The following PARD3B variants were observed in gnomAD, a reference collection of about 807,000 sequenced individuals.
The protein encoded by PARD3B is par-3 family cell polarity regulator beta.
In PARD3B, 103 loss-of-function variants were observed where a neutral mutation model predicts 130.2. The observed-to-expected ratio is 0.79, with a 90% CI of 0.67 to 0.93. PARD3B has a LOEUF of 0.93. Ranked by LOEUF, PARD3B falls within the 40% of genes least tolerant of loss-of-function variation. The pLI, the probability that PARD3B is intolerant of heterozygous loss-of-function variation, is 0.00. For synonymous variants in PARD3B, 583 were observed against 553.2 expected, an observed-to-expected ratio of 1.05 and a Z score of -0.76; for missense variants, 1,609 against 1,499.2, an observed-to-expected ratio of 1.07 and a Z score of -1.21.
At position 205,564,966 on chromosome 2, in the gene PARD3B, G is replaced by A. The variant is rs1386773045; in HGVS notation, c.3260+11563G>A. Among the ~76,000 whole-genome samples the A allele has an allele frequency of 1.3e-5, 2 of 152,172 alleles. No homozygotes were observed. Among genetic ancestry groups the A allele is most frequent in the African/African-American group, 2.4e-5 (1 of 41,436 alleles). On this transcript the variant is annotated intron_variant, in intron 22 of 22. Transcript: ENST00000406610. The surrounding 1 kb of genome is among the most constrained non-coding windows in gnomAD (Gnocchi z 4.6). Reference sequence around the variant, plus strand: ...GCAATCAGAACTGACCCTTATGGCCGAACATGGAATGACATGTTAAATAGG... The same window carrying A: ...GCAATCAGAACTGACCCTTATGGCCAAACATGGAATGACATGTTAAATAGG...
In PARD3B at chr2:205,197,032, G is replaced by GGGT. The variant is rs1553636919; in HGVS notation, c.2140+3713_2140+3714insGTG. Among the ~76,000 whole-genome samples the GGGT allele has an allele frequency of 2.6e-3, 142 of 55,102 alleles. 1 individual carries two copies. The highest frequency in any genetic ancestry group is 8.4e-3 in the South Asian group (15 of 1,790). 36.1% of individuals were successfully genotyped at this position (55,102 alleles called of 152,430 possible). On this transcript the variant is annotated intron_variant, in intron 15 of 22. Coordinates refer to ENST00000406610, the MANE Select transcript of PARD3B (RefSeq NM_001302769.2). The stretch of plus-strand genomic sequence containing the variant: ...AGGAATGCTTCCACTGTGGGGGGGG[G>GGGT]GTGTGTGTGTGTGTGTGTGTGTGTG...
chr2:205,424,790 G>A (rs1005661460), intron 19 of PARD3B, among the ~76,000 whole-genome samples: 4 of 152,158 alleles, frequency 2.6e-5, no homozygotes, highest in Admixed American at 2.6e-4. Context: ...CCGAGGGCCT[G>A]TCGTTTAGTT....
chr2:205,612,869 C>A lies in PARD3B; in HGVS notation c.3261-2587C>A, dbSNP rs970271866. Among the ~76,000 whole-genome samples, 4 of 152,202 alleles carry A rather than the reference C, an allele frequency of 2.6e-5. No homozygotes were observed. The East Asian group carries it at 5.8e-4, about 22-fold the overall frequency. On this transcript the variant is annotated intron_variant, in intron 22 of 22. Coordinates refer to ENST00000406610, the MANE Select transcript of PARD3B (RefSeq NM_001302769.2). ...CTATCTGCCCACGGGAAGCCTCCCC[C>A]TCACTGTGAGCTGTGAGCACTGGCT... is the stretch of plus-strand genomic sequence containing the variant.
intron 1 of PARD3B, among the ~76,000 whole-genome samples, chr2:204,681,409 C>T (rs1181703082): frequency 2.0e-5 from 3 of 152,132 alleles, no homozygotes; most frequent in Non-Finnish European, 4.4e-5. Context: ...TCTAGTTCTG[C>T]TGAATTCTTT....
chr2:205,379,475 G>GT (rs200325376), intron 18 of PARD3B, among the ~76,000 whole-genome samples: 3,126 of 151,796 alleles, frequency 0.021, 74 homozygotes, highest in African/African-American at 0.06. Flanking sequence ...TATATTTGGG[G>GT]TTTTTTTTAA....
chr2:204,935,369 A>T (rs999947628), intron 2 of PARD3B, among the ~76,000 whole-genome samples: 7 of 123,590 alleles, frequency 5.7e-5, no homozygotes, highest in South Asian at 2.4e-4. Context: ...CTCTACTAAA[A>T]ATACAAAAAA....
chr2:204,993,989 G>T (rs1693935683), intron 3 of PARD3B, among the ~76,000 whole-genome samples: 1 of 151,044 alleles, frequency 6.6e-6, no homozygotes, highest in Non-Finnish European at 1.5e-5. Flanking sequence ...TATTAGTCTT[G>T]CTAGCGGTCT....
chr2:205,488,087 A>T (rs909651428), intron 20 of PARD3B, among the ~76,000 whole-genome samples: 1 of 152,154 alleles, frequency 6.6e-6, no homozygotes, highest in Non-Finnish European at 1.5e-5. Flanking sequence ...CCTTTGAGAA[A>T]ACCTATAGTA....
chr2:204,554,426 G>T (rs377040039), intron 1 of PARD3B, among the ~76,000 whole-genome samples: 4 of 151,884 alleles, frequency 2.6e-5, no homozygotes, highest in Non-Finnish European at 5.9e-5. Context: ...GTCATTAAAT[G>T]GCAAGGCCAT....
chr2:204,835,737 C>G lies in PARD3B; in HGVS notation c.223-129415C>G, dbSNP rs1445234183. Among the ~76,000 whole-genome samples, 4 of 152,296 alleles carry G rather than the reference C, an allele frequency of 2.6e-5. No individual in the cohort carries two copies. In the East Asian group the frequency reaches 7.7e-4, roughly 29 times the overall value. Reference sequence around the variant, plus strand: ...AACCACACTTCCAGATTTGAATTTTCATCTTTTCCCAGGCTAGGAATATGT... The same window carrying G: ...AACCACACTTCCAGATTTGAATTTTGATCTTTTCCCAGGCTAGGAATATGT... On this transcript the variant is annotated intron_variant, in intron 2 of 22. Transcript: ENST00000406610.
At chr2:205,437,954 G>A (rs1305985489) in intron 19 of PARD3B, among the ~76,000 whole-genome samples, 2 of 151,804 alleles carry the variant, frequency 1.3e-5, no homozygotes, top group African/African-American at 4.8e-5. Flanking sequence ...TGGGGGTGAG[G>A]GTCAAAGCTA....
At chr2:204,997,611 A>G (rs1694339305) in intron 3 of PARD3B, among the ~76,000 whole-genome samples, 1 of 151,760 alleles carries the variant, frequency 6.6e-6, no homozygotes, top group Non-Finnish European at 1.5e-5. Flanking sequence ...GTGGACACTA[A>G]TAATTTAACT....
At chr2:205,479,565 G>A (rs2049149903) in intron 20 of PARD3B, among the ~76,000 whole-genome samples, 1 of 152,176 alleles carries the variant, frequency 6.6e-6, no homozygotes, top group South Asian at 2.1e-4. Context: ...GGAATAGCCT[G>A]TGCTTAGGAA....
chr2:205,394,863 A>G (rs1350821937), intron 18 of PARD3B, among the ~76,000 whole-genome samples: 2 of 152,182 alleles, frequency 1.3e-5, no homozygotes, highest in Non-Finnish European at 1.5e-5. Context: ...GGGAGTTACT[A>G]TATGTAGAGT....
rs2048936797 is a variant in PARD3B at position 205,473,883 on chromosome 2, T to G, written c.3045-26013T>G. Among the ~76,000 whole-genome samples, 1 of 150,454 alleles carries G rather than the reference T, an allele frequency of 6.6e-6. No homozygotes were observed. The highest frequency in any genetic ancestry group is 6.6e-5 in the Admixed American group (1 of 15,148). On this transcript the variant is annotated intron_variant, in intron 20 of 22. Coordinates refer to ENST00000406610, the MANE Select transcript of PARD3B (RefSeq NM_001302769.2). The surrounding 1 kb of genome is among the most constrained non-coding windows in gnomAD (Gnocchi z 4.9). Reference sequence around the variant, plus strand: ...ACCCTGAGCTACCAAATTATACTTTTGCAAGCTTGATCTTCAACCTCACTT... The same window carrying G: ...ACCCTGAGCTACCAAATTATACTTTGGCAAGCTTGATCTTCAACCTCACTT...
At chr2:205,055,658 T>G (rs1418364587) in intron 4 of PARD3B, among the ~76,000 whole-genome samples, 3 of 152,148 alleles carry the variant, frequency 2.0e-5, no homozygotes, top group Non-Finnish European at 2.9e-5. Flanking sequence ...GAACTCTAGT[T>G]GTTCTTAGGG....
At position 204,670,453 on chromosome 2, in the gene PARD3B, A is replaced by G. The variant is rs570877434; in HGVS notation, c.121-15728A>G. 9.7e-4 allele frequency among the ~76,000 whole-genome samples: 147 copies of G among 152,230 alleles called. 1 individual carries two copies. Among genetic ancestry groups the G allele is most frequent in the Non-Finnish European group, 2.9e-5 (2 of 67,978 alleles). On this transcript the variant is annotated intron_variant, in intron 1 of 22. Transcript: ENST00000406610. ...CCACTTCTAAGAAGCAGTCACTCCA[A>G]ACCCTTCACTCTAAACCCCACAGGT...
chr2:204,574,177 T>G (rs1431750570), intron 1 of PARD3B, among the ~76,000 whole-genome samples: 1 of 152,206 alleles, frequency 6.6e-6, no homozygotes, highest in Admixed American at 6.5e-5. Context: ...TTAAGAACCA[T>G]GATATCAGAA....
At position 205,172,381 on chromosome 2, in the gene PARD3B, G is replaced by A; in HGVS notation, c.1791G>A (p.Glu597=). The A allele has an allele frequency of 6.2e-7, 1 of 1,611,668 alleles. No homozygotes were observed. Residue 597 remains glutamate, a splice_region_variant and synonymous_variant, in exon 12 of 23, where the codon GAG becomes GAA. Coordinates refer to ENST00000406610, the MANE Select transcript of PARD3B (RefSeq NM_001302769.2). ...TGAGGAGGCCAGAGAGACCAATGGA[G>A]GTGATGCAAATCTTGATTCTCCTCA... ...VILRRPERPM[E]DPAECGAFSK...
Sources: gnomAD v4.1 joint callset for allele counts (sites outside exome capture counted in the v4.1 genomes callset) on GRCh38, gnomAD v4.1.1 for gene constraint, Gnocchi (gnomAD v3.1) non-coding constraint, MANE v1.5 for transcripts, NCBI Gene and HGNC (gene_info 2026-07-23, HGNC 2026-07-21) for gene names.